SLC25A40: variants seen among roughly 807,000 people sequenced by gnomAD.
SLC25A40 encodes the protein solute carrier family 25 member 40, also known as mitochondrial glutathione transporter SLC25A40.
In SLC25A40, 41 loss-of-function variants were observed where a neutral mutation model predicts 46.5. The observed-to-expected ratio is 0.88, with a 90% CI of 0.69 to 1.14. The LOEUF (loss-of-function observed/expected upper bound fraction) is 1.14, where lower values mean the gene tolerates loss of function less well. Ranked by LOEUF, SLC25A40 falls within the 50% of genes most tolerant of loss-of-function variation. SLC25A40 has a pLI of 0.00. For missense variants in SLC25A40, 386 were observed against 393.6 expected (o/e 0.98, Z 0.16); for synonymous variants, 126 against 127.5 (o/e 0.99, Z 0.08).
At position 87,836,812 on chromosome 7, in the gene SLC25A40, T is replaced by C. The variant is rs751251169; in HGVS notation, c.824-2A>G. Reference sequence around the variant, plus strand: ...TTGACATATGCAAAGGCATAGAAACTAAATGTTAAAATAAAGAAATAATGC... The same window carrying C: ...TTGACATATGCAAAGGCATAGAAACCAAATGTTAAAATAAAGAAATAATGC... On this transcript the variant is annotated splice_acceptor_variant, in intron 10 of 11. Transcript: ENST00000341119. LOFTEE classifies it high-confidence loss of function. The C allele has an allele frequency of 6.8e-7, 1 of 1,475,776 alleles. No homozygotes were observed. The highest frequency in any genetic ancestry group is 2.5e-5 in the Admixed American group (1 of 39,686). 91.4% of individuals were successfully genotyped at this position (1,475,776 alleles called of 1,614,324 possible).
chr7:87,838,114 C>CTAAG (rs1838282515), intron 10 of SLC25A40, among the ~76,000 whole-genome samples: 2 of 151,366 alleles, frequency 1.3e-5, no homozygotes, highest in African/African-American at 4.8e-5. Flanking sequence ...AGAAGCTGTA[C>CTAAG]TAGCAATAGC....
intron 3 of SLC25A40, among the ~76,000 whole-genome samples, 168 bp downstream of exon 3, chr7:87,858,463 C>T (rs1838648192): frequency 6.6e-6 from 1 of 152,082 alleles, no homozygotes; most frequent in African/African-American, 2.4e-5. Context: ...GTGATGTCAC[C>T]CCCGGAGGCC....
chr7:87,859,465 A>T (rs938982882), intron 2 of SLC25A40, among the ~76,000 whole-genome samples: 1 of 152,036 alleles, frequency 6.6e-6, no homozygotes, highest in Non-Finnish European at 1.5e-5. Context: ...AATAATAATC[A>T]CCAGCAACAG....
intron 1 of SLC25A40, among the ~76,000 whole-genome samples, chr7:87,873,493 C>T (rs1031760541): frequency 5.7e-5 from 8 of 139,954 alleles, no homozygotes; most frequent in South Asian, 2.2e-4. Context: ...AGTGCAGTGG[C>T]GCAATTTCCG....
chr7:87,855,819 G>A (rs962507702), intron 4 of SLC25A40, among the ~76,000 whole-genome samples: 5 of 152,126 alleles, frequency 3.3e-5, no homozygotes, highest in Admixed American at 6.5e-5. Context: ...AAGGAATTGC[G>A]AATTTTGCCT....
At chr7:87,867,325 A>C (rs1348861141) in intron 1 of SLC25A40, among the ~76,000 whole-genome samples, 2 of 152,094 alleles carry the variant, frequency 1.3e-5, no homozygotes, top group Non-Finnish European at 2.9e-5. Context: ...TGTGTTTTCA[A>C]ATAGCCTGTC....
rs1349365167 is a variant in SLC25A40, at chr7:87,834,487, A to C, written c.*1762T>G. On this transcript the variant is annotated 3_prime_UTR_variant, in exon 12 of 12. Transcript: ENST00000341119. Reference sequence around the variant, plus strand: ...CATTGCATGTATATGTGTTAAAAAAACGACTAGGCAATTAGATTTACTTAT... The same window carrying C: ...CATTGCATGTATATGTGTTAAAAAACCGACTAGGCAATTAGATTTACTTAT... 1 of 151,654 alleles carries C rather than the reference A, an allele frequency of 6.6e-6. No individual in the cohort carries two copies. The highest frequency in any genetic ancestry group is 1.5e-5 in the Non-Finnish European group (1 of 67,728). The allele number at this position is 151,654 out of a possible 1,614,324, so 9.4% of individuals were successfully genotyped here. A position where few individuals can be genotyped will look rare whatever the true frequency, so the allele number is the denominator to read the frequency against.
chr7:87,853,377 GAAAATGTAA>G (rs1838550156), intron 5 of SLC25A40, among the ~76,000 whole-genome samples: 1 of 152,212 alleles, frequency 6.6e-6, no homozygotes, highest in African/African-American at 2.4e-5. Context: ...CAGTGCTAAT[GAAAATGTAA>G]AATGGTAGAA....
intron 6 of SLC25A40, among the ~76,000 whole-genome samples, chr7:87,848,968 A>C (rs904383446): frequency 6.6e-6 from 1 of 152,252 alleles, no homozygotes; most frequent in African/African-American, 2.4e-5. Context: ...TTAAAAGTAT[A>C]AAGTTCTTGG....
intron 4 of SLC25A40, 134 bp downstream of exon 4, chr7:87,856,157 GA>G (rs911200337): frequency 1.4e-4 from 96 of 705,844 alleles, no homozygotes; most frequent in Admixed American, 1.9e-4. Flanking sequence ...ACTAAATGGT[GA>G]AAAAAAAAGT....
intron 4 of SLC25A40, among the ~76,000 whole-genome samples, chr7:87,855,263 A>T (rs1405890561): frequency 6.6e-6 from 1 of 152,198 alleles, no homozygotes; most frequent in Non-Finnish European, 1.5e-5. Flanking sequence ...AGAAGGGAAC[A>T]TGGACGCATA....
intron 8 of SLC25A40, among the ~76,000 whole-genome samples, chr7:87,845,633 A>G (rs1290565798): frequency 6.6e-6 from 1 of 152,140 alleles, no homozygotes; most frequent in African/African-American, 2.4e-5. Flanking sequence ...AAGGTTGGAG[A>G]TCACTGCAAT....
chr7:87,838,494 G>T (rs1280245382), intron 10 of SLC25A40, among the ~76,000 whole-genome samples: 2 of 151,416 alleles, frequency 1.3e-5, no homozygotes, highest in African/African-American at 2.4e-5. Flanking sequence ...ACATTGTAAA[G>T]AAACACTTTT....
intron 8 of SLC25A40, among the ~76,000 whole-genome samples, chr7:87,845,262 G>A (rs1838396346): frequency 6.6e-6 from 1 of 152,090 alleles, no homozygotes; most frequent in Non-Finnish European, 1.5e-5. Context: ...AAGCAATTAT[G>A]GTTATTCAAT....
chr7:87,856,249 TA>T (rs1337487094), intron 4 of SLC25A40, 42 bp downstream of exon 4: 8 of 1,477,806 alleles, frequency 5.4e-6, no homozygotes, highest in Non-Finnish European at 7.4e-6. Context: ...CAGGAACATT[TA>T]AAAATCAAAC....
In SLC25A40 at chr7:87,835,911, A is replaced by G. The variant is rs770625163; in HGVS notation, c.*338T>C. 2 of 184,918 alleles carry G rather than the reference A, an allele frequency of 1.1e-5. No homozygotes were observed. The highest frequency in any genetic ancestry group is 2.2e-5 in the Non-Finnish European group (2 of 90,234). 11.5% of individuals were successfully genotyped at this position (184,918 alleles called of 1,614,324 possible). ...TACATCATTCAGCACACAATTCAAA[A>G]AGTTCTGGTGTATTCAACACACTCC... On this transcript the variant is annotated 3_prime_UTR_variant, in exon 12 of 12. Transcript: ENST00000341119.
At chr7:87,836,472 G>T in intron 11 of SLC25A40, 111 bp from the exon 12 acceptor site, 1 of 688,140 alleles carries the variant, frequency 1.5e-6, no homozygotes, top group Non-Finnish European at 2.2e-6. Flanking sequence ...GAAGTAATAT[G>T]TTCAAATCCA....
intron 10 of SLC25A40, among the ~76,000 whole-genome samples, chr7:87,840,828 A>T (rs1241353785): frequency 6.6e-6 from 1 of 151,846 alleles, no homozygotes; most frequent in Non-Finnish European, 1.5e-5. Flanking sequence ...ATTCATTTGT[A>T]GAGGTTTGTA....
At chr7:87,844,997 C>G (rs1011631195) in intron 8 of SLC25A40, among the ~76,000 whole-genome samples, 3 of 151,998 alleles carry the variant, frequency 2.0e-5, no homozygotes, top group African/African-American at 7.3e-5. Context: ...GGCTTTGGTC[C>G]CAGCTACTCA....
Sources: gnomAD v4.1 joint callset for allele counts (sites outside exome capture counted in the v4.1 genomes callset) on GRCh38, gnomAD v4.1.1 for gene constraint, MANE v1.5 for transcripts, NCBI Gene and HGNC (gene_info 2026-07-23, HGNC 2026-07-21) for gene names.